EIF5: variants seen among roughly 807,000 people sequenced by gnomAD.
EIF5 encodes eukaryotic translation initiation factor 5.
EIF5 carries 10 observed loss-of-function variants against 48.3 expected under a neutral mutation model. The observed-to-expected ratio is 0.21, with a 90% CI of 0.13 to 0.35. The LOEUF is 0.35. Ranked by LOEUF, EIF5 falls within the 10% of genes least tolerant of loss-of-function variation. EIF5 has a pLI of 1.00. For missense variants in EIF5, 397 were observed against 533.2 expected, an observed-to-expected ratio of 0.74 and a Z score of 2.51; for synonymous variants, 237 against 173.1, an observed-to-expected ratio of 1.37 and a Z score of -2.90.
Position 103,341,203 on chromosome 14 carries a change from T to C in EIF5, c.*151T>C, listed in dbSNP as rs543808317. 5.1e-5 allele frequency: 34 copies of C among 663,912 alleles called. No individual in the cohort carries two copies. Among genetic ancestry groups the C allele is most frequent in the South Asian group, 3.0e-4 (17 of 57,004 alleles). The allele number at this position is 663,912 out of a possible 1,614,324, so 41.1% of individuals were successfully genotyped here. On this transcript the variant is annotated 3_prime_UTR_variant, in exon 12 of 12. Transcript: ENST00000216554. ...ATCTATTACTGTGAGTGGTCTGTTA[T>C]TAAGCCCAATGAGACATCTAGGGAG... is the stretch of plus-strand genomic sequence containing the variant.
rs1366124230 is a variant in EIF5 at position 103,344,188 on chromosome 14, C to T, written c.*3136C>T. The T allele has an allele frequency of 1.3e-5, 2 of 152,166 alleles. No individual in the cohort carries two copies. The highest frequency in any genetic ancestry group is 2.9e-5 in the Non-Finnish European group (2 of 68,046). The allele number at this position is 152,166 out of a possible 1,614,324, so 9.4% of individuals were successfully genotyped here. The stretch of plus-strand genomic sequence containing the variant: ...GTAGTCTCATTGTAGGTTTGTGCAC[C>T]AGAGTGACCCTGTGAGCCTTTGTTA... On this transcript the variant is annotated 3_prime_UTR_variant, in exon 12 of 12. Coordinates refer to ENST00000216554, the MANE Select transcript of EIF5 (RefSeq NM_001969.5).
In EIF5 at chr14:103,338,768, A is replaced by T; in HGVS notation, c.619A>T (p.Thr207Ser). Residue 207 changes from threonine (T) to serine (S), a missense_variant, in exon 8 of 12, where the codon ACA becomes TCA. Coordinates refer to ENST00000216554, the MANE Select transcript of EIF5 (RefSeq NM_001969.5). Reference protein sequence around the residue: ...EEEDDDWGEDTTEEAQRRRMD... With the variant: ...EEEDDDWGEDSTEEAQRRRMD... ...GGAGGATGATGACTGGGGAGAAGAT[A>T]CAACTGAGGAAGCTCAAAGGCGTCG... The T allele has an allele frequency of 6.2e-7, 1 of 1,614,212 alleles. No individual in the cohort carries two copies. The highest frequency in any genetic ancestry group is 8.5e-7 in the Non-Finnish European group (1 of 1,180,048).
At chr14:103,340,758 A>T (rs942924457) in intron 11 of EIF5, among the ~76,000 whole-genome samples, 197 bp downstream of exon 11, 1 of 151,542 alleles carries the variant, frequency 6.6e-6, no homozygotes, top group Non-Finnish European at 1.5e-5. Context: ...ACTCCTACAC[A>T]TTATAGTCTA....
chr14:103,336,618 G>A (rs2089290134), intron 4 of EIF5, 59 bp from the exon 5 acceptor site: 2 of 1,496,120 alleles, frequency 1.3e-6, no homozygotes, highest in Non-Finnish European at 1.8e-6. Context: ...ACAAATGTGA[G>A]TGAGTAGCCA....
intron 4 of EIF5, 40 bp downstream of exon 4, chr14:103,336,157 A>G: frequency 1.3e-6 from 2 of 1,588,266 alleles, no homozygotes; most frequent in African/African-American, 1.4e-5. Flanking sequence ...CATATTATGG[A>G]TAGAGTCTTC....
chr14:103,335,917 C>G lies in EIF5; in HGVS notation c.57C>G (p.Pro19=), dbSNP rs1279102334. Residue 19 remains proline (P), a synonymous_variant, in exon 3 of 12, where the codon CCC becomes CCG. Transcript: ENST00000216554. ...ACCAGTTCTATCGCTACAAGATGCC[C>G]CGTCTGATTGCCAAGGTAATAAACT... is the stretch of plus-strand genomic sequence containing the variant. ...VSDQFYRYKM[P]RLIAKVEGKG... 5 of 1,614,052 alleles carry G rather than the reference C, an allele frequency of 3.1e-6. No individual in the cohort carries two copies. The African/African-American group carries it at 5.3e-5, about 17-fold the overall frequency.
chr14:103,336,239 G>C (rs1050017373), intron 4 of EIF5, 122 bp downstream of exon 4: 15 of 1,034,484 alleles, frequency 1.5e-5, no homozygotes, highest in South Asian at 3.2e-5. Flanking sequence ...GTGAGGAACC[G>C]TGGTTTATTG....
chr14:103,338,694 T>C (rs1476550740), intron 7 of EIF5, 41 bp from the exon 8 acceptor site: 8 of 1,592,858 alleles, frequency 5.0e-6, no homozygotes, highest in Non-Finnish European at 6.8e-6. Context: ...TTGTTGTTGT[T>C]TTTAAGGCCT....
At position 103,339,216 on chromosome 14, in the gene EIF5, C is replaced by A; in HGVS notation, c.789C>A (p.Ile263=). ...TTATTGATTCATCTGACAAAGAAAT[C>A]GTTGCTGAAGCAGAAAGACTGGATG... ...EGVIDSSDKE[I]VAEAERLDVK... Residue 263 remains isoleucine (I), a synonymous_variant, in exon 9 of 12, where the codon ATC becomes ATA. Transcript: ENST00000216554. The A allele has an allele frequency of 6.2e-7, 1 of 1,609,998 alleles. No homozygotes were observed. Among genetic ancestry groups the A allele is most frequent in the Non-Finnish European group, 8.5e-7 (1 of 1,179,050 alleles).
chr14:103,335,756 C>G lies in EIF5; in HGVS notation c.-105C>G, dbSNP rs962092032. On this transcript the variant is annotated 5_prime_UTR_variant, in exon 3 of 12. Coordinates refer to ENST00000216554, the MANE Select transcript of EIF5 (RefSeq NM_001969.5). ...ATTTTTTCATGTCAGAGACCGAGAACTCTTGCAGTCGTTTATGTCATCCCT... is the reference window on the plus strand; with the variant it reads ...ATTTTTTCATGTCAGAGACCGAGAAGTCTTGCAGTCGTTTATGTCATCCCT... 4 of 1,344,552 alleles carry G rather than the reference C, an allele frequency of 3.0e-6. No homozygotes were observed. Among genetic ancestry groups the G allele is most frequent in the African/African-American group, 1.5e-5 (1 of 68,646 alleles). The allele number at this position is 1,344,552 out of a possible 1,614,324, so 83.3% of individuals were successfully genotyped here. A position where few individuals can be genotyped will look rare whatever the true frequency, so the allele number is the denominator to read the frequency against.
chr14:103,335,813 C>T lies in EIF5; in HGVS notation c.-48C>T. ...CCAGACAGAAGATACCAAAAAGTTG[C>T]AATCAAAGATCTCTTCATCTTATTG... is the stretch of plus-strand genomic sequence containing the variant. On this transcript the variant is annotated 5_prime_UTR_variant, in exon 3 of 12. An upstream open reading frame in the 5' UTR gains an earlier in-frame stop. Coordinates refer to ENST00000216554, the MANE Select transcript of EIF5 (RefSeq NM_001969.5). The T allele has an allele frequency of 3.8e-6, 6 of 1,595,390 alleles. No individual in the cohort carries two copies. Among genetic ancestry groups the T allele is most frequent in the East Asian group, 2.2e-5 (1 of 44,706 alleles).
Position 103,336,762 on chromosome 14 carries a change from T to C in EIF5, c.240T>C (p.His80=). The C allele has an allele frequency of 6.2e-7, 1 of 1,614,162 alleles. No homozygotes were observed. The part of the protein sequence containing the change: ...KNDRYIVNGS[H]EANKLQDMLD... ...ACCGTTACATTGTCAATGGATCTCATGAGGCGAATAAGCTGCAAGACATGT... is the reference window on the plus strand; with the variant it reads ...ACCGTTACATTGTCAATGGATCTCACGAGGCGAATAAGCTGCAAGACATGT... Residue 80 remains histidine (H), a synonymous_variant, in exon 5 of 12, where the codon CAT becomes CAC. Coordinates refer to ENST00000216554, the MANE Select transcript of EIF5 (RefSeq NM_001969.5).
At position 103,341,179 on chromosome 14, in the gene EIF5, T is replaced by A; in HGVS notation, c.*127T>A. On this transcript the variant is annotated 3_prime_UTR_variant, in exon 12 of 12. Transcript: ENST00000216554. Reference sequence around the variant, plus strand: ...ATCATGCTACACTTTACACTAAAAATCTATTACTGTGAGTGGTCTGTTATT... The same window carrying A: ...ATCATGCTACACTTTACACTAAAAAACTATTACTGTGAGTGGTCTGTTATT... 1.3e-6 allele frequency: 1 copy of A among 784,208 alleles called. No individual in the cohort carries two copies. Among genetic ancestry groups the A allele is most frequent in the Admixed American group, 2.2e-5 (1 of 46,482 alleles). 48.6% of individuals were successfully genotyped at this position (784,208 alleles called of 1,614,324 possible).
chr14:103,339,319 C>G lies in EIF5; in HGVS notation c.892C>G (p.Arg298Gly). ...KIREQIKKYR[R>G]HFLRFCHNNK... ...TAGAGAACAGATTAAGAAATACAGG[C>G]GCCATTTCCTACGAGTAAGCAAAGT... is the stretch of plus-strand genomic sequence containing the variant. The change falls in exon 9 of 12, where the codon CGC becomes GGC. Residue 298 changes from arginine (R) to glycine (G), a missense_variant. By Grantham distance (125) the Arg-to-Gly change is moderately radical. This residue lies in a region of EIF5 where 160 missense variants were observed against 184.8 expected (regional missense o/e 0.87). Coordinates refer to ENST00000216554, the MANE Select transcript of EIF5 (RefSeq NM_001969.5). 5 of 1,591,752 alleles carry G rather than the reference C, an allele frequency of 3.1e-6. No individual in the cohort carries two copies. The highest frequency in any genetic ancestry group is 4.3e-6 in the Non-Finnish European group (5 of 1,174,344).
chr14:103,340,077 G>A (rs548194732), intron 10 of EIF5, among the ~76,000 whole-genome samples: 15 of 152,214 alleles, frequency 9.9e-5, no homozygotes, highest in Non-Finnish European at 2.1e-4. Context: ...GGTTGGTCTC[G>A]AACACCTGAC....
chr14:103,344,524 ACTG>A lies in EIF5; in HGVS notation c.*3473_*3475del, dbSNP rs1321020785. ...AAATTTGGATTCTGTCCCAGGCCTT[ACTG>A]TAAAACTAGGGGATTGCCTTTCCAT... On this transcript the variant is annotated 3_prime_UTR_variant, in exon 12 of 12. Coordinates refer to ENST00000216554, the MANE Select transcript of EIF5 (RefSeq NM_001969.5). 1.3e-5 allele frequency: 2 copies of A among 152,214 alleles called. No homozygotes were observed. The highest frequency in any genetic ancestry group is 2.4e-5 in the African/African-American group (1 of 41,454). 9.4% of individuals were successfully genotyped at this position (152,214 alleles called of 1,614,324 possible). A position where few individuals can be genotyped will look rare whatever the true frequency, so the allele number is the denominator to read the frequency against.
In EIF5 at chr14:103,339,765, C is replaced by T. The variant is rs1248241932; in HGVS notation, c.1033C>T (p.Leu345Phe). 6.2e-7 allele frequency: 1 copy of T among 1,614,122 alleles called. No individual in the cohort carries two copies. Among genetic ancestry groups the T allele is most frequent in the Admixed American group, 1.7e-5 (1 of 60,010 alleles). The change falls in exon 10 of 12, where the codon CTT (leucine) becomes TTT (phenylalanine). Residue 345 changes from leucine (L) to phenylalanine (F), a missense_variant. Leu to Phe is a conservative substitution (Grantham distance 22). Transcript: ENST00000216554. ...CTTGAAGGAGATGTACGATGCAGAC[C>T]TTTTAGAAGAAGAGGTCATCATCAG... ...HILKEMYDADLLEEEVIISWS... is the reference protein window; with the variant it reads ...HILKEMYDADFLEEEVIISWS...
intron 6 of EIF5, 63 bp from the exon 7 acceptor site, chr14:103,338,261 TTAA>T (rs573787982): frequency 1.1e-5 from 17 of 1,574,146 alleles, no homozygotes; most frequent in Middle Eastern, 2.1e-4. Flanking sequence ...GTTTTAAACG[TTAA>T]TGATGGGCAA....
intron 6 of EIF5, chr14:103,337,956 TTA>T (rs1384401125): frequency 1.9e-6 from 1 of 533,618 alleles, no homozygotes; most frequent in African/African-American, 1.9e-5. Flanking sequence ...AGACAAGCCG[TTA>T]TATAGACTTA....
Sources: allele counts gnomAD v4.1 joint callset (sites outside exome capture counted in the v4.1 genomes callset), GRCh38; gene constraint gnomAD v4.1.1; regional missense constraint gnomAD v4.1.1; transcripts MANE v1.5; gene names NCBI Gene and HGNC (gene_info 2026-07-23, HGNC 2026-07-21).